ATRNL1: variants seen among roughly 807,000 people sequenced by gnomAD.
ATRNL1 encodes the protein attractin-like protein 1.
In ATRNL1, 95 loss-of-function variants were observed where a neutral mutation model predicts 182.7. The ratio of observed to expected loss-of-function variants is 0.52; its 90% confidence interval spans 0.44 to 0.62. The LOEUF is 0.62. Ranked by LOEUF, ATRNL1 falls within the 20% of genes least tolerant of loss-of-function variation. The probability of loss-of-function intolerance (pLI) is 0.00; values close to 1 mark genes in which losing one functional copy is unlikely to be tolerated. For synonymous variants in ATRNL1, 576 were observed against 568.3 expected (o/e 1.01, Z -0.19); for missense variants, 1,471 against 1,679.5 (o/e 0.88, Z 2.17).
chr10:115,192,492 A>T (rs1233545050), intron 8 of ATRNL1, among the ~76,000 whole-genome samples: 4 of 151,892 alleles, frequency 2.6e-5, no homozygotes, highest in African/African-American at 9.7e-5. Context: ...TGTTTTGACT[A>T]TTATGGCTTT....
chr10:115,457,151 A>T lies in ATRNL1; in HGVS notation c.3323-4790A>T, dbSNP rs1847564090. ...CACCGGAGAGTGAGTAAGGCAGAAA[A>T]TAATTTTGTTGAGCAACAGAAGGAA... On this transcript the variant is annotated intron_variant, in intron 21 of 28. Transcript: ENST00000355044. 2.0e-5 allele frequency among the ~76,000 whole-genome samples: 3 copies of T among 152,032 alleles called. No homozygotes were observed. In the South Asian group the frequency reaches 6.2e-4, roughly 32 times the overall value.
At chr10:115,112,096 A>G (rs1844282574) in intron 1 of ATRNL1, among the ~76,000 whole-genome samples, 1 of 152,160 alleles carries the variant, frequency 6.6e-6, no homozygotes, top group East Asian at 1.9e-4. Context: ...AAGTTTAACC[A>G]AAGAGGTAAA....
Position 115,549,515 on chromosome 10 carries a change from T to C in ATRNL1, c.3774T>C (p.Cys1258=), listed in dbSNP as rs1554994916. 2.5e-6 allele frequency: 4 copies of C among 1,599,326 alleles called. No homozygotes were observed. The highest frequency in any genetic ancestry group is 2.6e-6 in the Non-Finnish European group (3 of 1,172,054). ...AAVVWKIKQT[C]WASRRREQLL... ...TGGTATGGAAGATCAAACAAACTTG[T>C]TGGGCTTCTCGACGGAGAGAGGTAT... The change falls in exon 26 of 29, where the codon TGT becomes TGC. Residue 1258 remains cysteine, a synonymous_variant. Transcript: ENST00000355044.
chr10:115,667,028 C>T (rs1487853489), intron 26 of ATRNL1, among the ~76,000 whole-genome samples: 1 of 152,074 alleles, frequency 6.6e-6, no homozygotes, highest in Non-Finnish European at 1.5e-5. Context: ...ATGAATAGCA[C>T]AGCTTTTATA....
chr10:115,551,362 A>T (rs1223303648), intron 26 of ATRNL1, among the ~76,000 whole-genome samples: 1 of 151,536 alleles, frequency 6.6e-6, no homozygotes, highest in Non-Finnish European at 1.5e-5. Flanking sequence ...TATCTTTTGG[A>T]AGTCAAAATC....
chr10:115,745,226 T>C (rs187914766), intron 27 of ATRNL1, among the ~76,000 whole-genome samples: 1 of 152,100 alleles, frequency 6.6e-6, no homozygotes, highest in African/African-American at 2.4e-5. Flanking sequence ...CGGGGAACCA[T>C]ATTTTATGCA....
intron 27 of ATRNL1, among the ~76,000 whole-genome samples, chr10:115,737,093 A>G (rs1352318778): frequency 6.6e-6 from 1 of 152,008 alleles, no homozygotes; most frequent in African/African-American, 2.4e-5. Flanking sequence ...GCCTTGGAGC[A>G]TTCCCTTACT....
intron 19 of ATRNL1, among the ~76,000 whole-genome samples, chr10:115,386,440 A>G (rs1250403228): frequency 2.6e-5 from 4 of 152,142 alleles, no homozygotes; most frequent in African/African-American, 9.7e-5. Context: ...TGCTTTGCCA[A>G]TCCAGTTGAG....
intron 18 of ATRNL1, among the ~76,000 whole-genome samples, chr10:115,319,563 T>A (rs1854477460): frequency 6.6e-6 from 1 of 152,216 alleles, no homozygotes. Context: ...TGAATCTGGA[T>A]GCTCCTGTAT....
intron 21 of ATRNL1, among the ~76,000 whole-genome samples, chr10:115,441,066 C>T (rs1453853421): frequency 1.3e-5 from 2 of 151,630 alleles, no homozygotes; most frequent in South Asian, 2.1e-4. Flanking sequence ...AGTTTATTAT[C>T]GAGGAAAGAA....
chr10:115,688,929 G>C (rs1479540654), intron 26 of ATRNL1, among the ~76,000 whole-genome samples: 1 of 151,842 alleles, frequency 6.6e-6, no homozygotes, highest in African/African-American at 2.4e-5. Context: ...TTATAGTTTT[G>C]GGTCTTAATT....
At chr10:115,631,628 G>A (rs1858520209) in intron 26 of ATRNL1, among the ~76,000 whole-genome samples, 2 of 152,166 alleles carry the variant, frequency 1.3e-5, no homozygotes, top group South Asian at 4.1e-4. Context: ...GTTGAGGCCA[G>A]ATGTGTTGAT....
intron 26 of ATRNL1, among the ~76,000 whole-genome samples, chr10:115,618,026 A>G (rs1005744320): frequency 1.8e-4 from 28 of 151,946 alleles, no homozygotes; most frequent in Admixed American, 1.6e-3. Context: ...CACCTCCCCC[A>G]TCTCTCTTTC....
intron 19 of ATRNL1, among the ~76,000 whole-genome samples, chr10:115,372,055 C>T (rs1857423404): frequency 6.6e-6 from 1 of 152,160 alleles, no homozygotes; most frequent in Admixed American, 6.5e-5. Flanking sequence ...ATACCTTTCA[C>T]CTTCTGCCGT....
intron 27 of ATRNL1, among the ~76,000 whole-genome samples, chr10:115,743,548 A>T (rs1465106342): frequency 6.6e-6 from 1 of 152,164 alleles, no homozygotes; most frequent in Non-Finnish European, 1.5e-5. Context: ...AGCATTGAGG[A>T]TATAGAAATT....
chr10:115,499,854 G>A (rs1362956444), intron 24 of ATRNL1, among the ~76,000 whole-genome samples: 1 of 152,132 alleles, frequency 6.6e-6, no homozygotes, highest in Non-Finnish European at 1.5e-5. Context: ...TGATTTGGAG[G>A]CATCAAGGTT....
At chr10:115,257,658 C>A (rs879980323) in intron 10 of ATRNL1, among the ~76,000 whole-genome samples, 21 of 152,110 alleles carry the variant, frequency 1.4e-4, no homozygotes, top group Non-Finnish European at 5.9e-5. Context: ...TTATGATGTT[C>A]GCTGGTTATT....
Position 115,849,535 on chromosome 10 carries a change from A to T in ATRNL1, c.4018+1544A>T, listed in dbSNP as rs1428187295. Among the ~76,000 whole-genome samples, 7 of 152,342 alleles carry T rather than the reference A, an allele frequency of 4.6e-5. No individual in the cohort carries two copies. The East Asian group carries it at 1.3e-3, about 29-fold the overall frequency. ...GACTGATATGAAAGAGACAAGTAGC[A>T]GTGTGAACCATTACCTCAGCTGTGT... On this transcript the variant is annotated intron_variant, in intron 28 of 28. Transcript: ENST00000355044.
chr10:115,461,557 T>A (rs1292946013), intron 21 of ATRNL1, among the ~76,000 whole-genome samples: 2 of 152,116 alleles, frequency 1.3e-5, no homozygotes, highest in Admixed American at 1.3e-4. Flanking sequence ...TGAAAATGTC[T>A]ATCTTTACAG....
Sources: allele counts gnomAD v4.1 joint callset (sites outside exome capture counted in the v4.1 genomes callset), GRCh38; gene constraint gnomAD v4.1.1; transcripts MANE v1.5; gene names NCBI Gene and HGNC (gene_info 2026-07-23, HGNC 2026-07-21).